The following FLACC1 variants were observed in gnomAD, a reference collection of about 807,000 sequenced individuals.
FLACC1 encodes flagellum-associated coiled-coil domain-containing protein 1.
FLACC1 carries 66 observed loss-of-function variants against 62.8 expected under a neutral mutation model. The ratio of observed to expected loss-of-function variants is 1.05; its 90% CI spans 0.86 to 1.29. The LOEUF (loss-of-function observed/expected upper bound fraction) is 1.29. Among genes scored for constraint, FLACC1 ranks in the 50% most tolerant of loss-of-function variants. The pLI, the probability that FLACC1 is intolerant of heterozygous loss-of-function variation, is 0.00. For missense variants in FLACC1, 452 were observed against 489.1 expected, an observed-to-expected ratio of 0.92 and a Z score of 0.71; for synonymous variants, 156 against 161.0, an observed-to-expected ratio of 0.97 and a Z score of 0.24.
intron 9 of FLACC1, among the ~76,000 whole-genome samples, chr2:201,320,065 T>C (rs1241313914): frequency 2.0e-5 from 3 of 152,088 alleles, no homozygotes; most frequent in Non-Finnish European, 4.4e-5. Flanking sequence ...GGAACTGACT[T>C]GGGGAGGGAT....
At position 201,330,735 on chromosome 2, in the gene FLACC1, C is replaced by G. The variant is rs1382688329; in HGVS notation, c.622+1G>C. ...GTCATTCTCCCAGGTCCCAGCAGTA[C>G]CTAGCTTCTCTTGGGCAGCCAACTT... On this transcript the variant is annotated splice_donor_variant, in intron 8 of 14. Coordinates refer to ENST00000392257, the MANE Select transcript of FLACC1 (RefSeq NM_001127391.3). LOFTEE classifies it high-confidence loss of function. 1 of 1,613,790 alleles carries G rather than the reference C, an allele frequency of 6.2e-7. No individual in the cohort carries two copies. The highest frequency in any genetic ancestry group is 8.5e-7 in the Non-Finnish European group (1 of 1,179,884).
the FLACC1 span, among the ~76,000 whole-genome samples, chr2:201,363,358 C>A: frequency 1.3e-5 from 2 of 151,892 alleles, no homozygotes; most frequent in Non-Finnish European, 2.9e-5. Flanking sequence ...CTCACATGGA[C>A]TAGCAGCCTG....
intron 9 of FLACC1, 59 bp downstream of exon 9, chr2:201,330,411 T>G: frequency 6.7e-7 from 1 of 1,494,252 alleles, no homozygotes; most frequent in Non-Finnish European, 9.2e-7. Flanking sequence ...TTTATCCCAA[T>G]GTTAGCCAGG....
chr2:201,350,577 AG>A (rs1951006070), intron 3 of FLACC1, 133 bp downstream of exon 3: 1 of 715,082 alleles, frequency 1.4e-6, no homozygotes. Context: ...GCTACTCGAG[AG>A]GCTGAGGCAG....
chr2:201,295,921 A>G (rs1357441364), intron 12 of FLACC1, among the ~76,000 whole-genome samples: 1 of 152,256 alleles, frequency 6.6e-6, no homozygotes, highest in East Asian at 1.9e-4. Context: ...AATGTTCATC[A>G]TCACTGGCCA....
intron 11 of FLACC1, among the ~76,000 whole-genome samples, chr2:201,305,269 C>A (rs1052313525): frequency 7.2e-5 from 11 of 152,206 alleles, no homozygotes; most frequent in Non-Finnish European, 1.3e-4. Context: ...AACAAGTGGG[C>A]GAAGGATATG....
At chr2:201,329,338 C>T (rs1041051706) in intron 9 of FLACC1, among the ~76,000 whole-genome samples, 1 of 152,132 alleles carries the variant, frequency 6.6e-6, no homozygotes, top group Admixed American at 6.5e-5. Context: ...GCTTATACAC[C>T]GTTGGTAGGA....
the FLACC1 span, among the ~76,000 whole-genome samples, chr2:201,363,089 C>G: frequency 6.6e-6 from 1 of 152,134 alleles, no homozygotes; most frequent in East Asian, 1.9e-4. Flanking sequence ...CTGCTCCACC[C>G]TCAGGCAGAA....
chr2:201,359,707 C>T (rs961809820), upstream of FLACC1, among the ~76,000 whole-genome samples: 1 of 152,090 alleles, frequency 6.6e-6, no homozygotes, highest in South Asian at 2.1e-4. Flanking sequence ...ATGCCAGCCT[C>T]GGTGTGTTGA....
At chr2:201,304,017 C>T (rs1259691892) in intron 11 of FLACC1, among the ~76,000 whole-genome samples, 1 of 152,140 alleles carries the variant, frequency 6.6e-6, no homozygotes, top group African/African-American at 2.4e-5. Context: ...TGAAAACTGG[C>T]AAAAGACATG....
At chr2:201,306,586 TA>T (rs1950111736) in intron 11 of FLACC1, among the ~76,000 whole-genome samples, 2 of 152,138 alleles carry the variant, frequency 1.3e-5, no homozygotes, top group African/African-American at 4.8e-5. Flanking sequence ...TTAAAGCTTC[TA>T]AAAAATAGAA....
intron 9 of FLACC1, among the ~76,000 whole-genome samples, chr2:201,329,361 T>C (rs1415193233): frequency 6.6e-6 from 1 of 152,196 alleles, no homozygotes; most frequent in Non-Finnish European, 1.5e-5. Flanking sequence ...GTAAATTAGT[T>C]CATTGCCGGT....
intron 4 of FLACC1, among the ~76,000 whole-genome samples, chr2:201,347,280 A>G (rs1950934962): frequency 6.6e-6 from 1 of 152,174 alleles, no homozygotes; most frequent in Non-Finnish European, 1.5e-5. Flanking sequence ...TGCGCAGCAC[A>G]TGCTGCAGCC....
chr2:201,294,347 G>A (rs1479389472), intron 12 of FLACC1, among the ~76,000 whole-genome samples: 2 of 152,082 alleles, frequency 1.3e-5, no homozygotes, highest in Non-Finnish European at 2.9e-5. Context: ...TTCATCCCTG[G>A]GATGCAAGGC....
chr2:201,299,398 C>G, intron 11 of FLACC1, 98 bp from the exon 12 acceptor site: 1 of 953,296 alleles, frequency 1.0e-6, no homozygotes, highest in Non-Finnish European at 1.6e-6. Context: ...ATATAATATT[C>G]ACCAAAGCTT....
At chr2:201,334,688 C>A (rs897881242) in intron 7 of FLACC1, among the ~76,000 whole-genome samples, 1 of 151,272 alleles carries the variant, frequency 6.6e-6, no homozygotes, top group African/African-American at 2.4e-5. Context: ...GAGGCTGAGG[C>A]AGGAGAATCG....
chr2:201,342,323 C>T, intron 7 of FLACC1, 47 bp downstream of exon 7: 1 of 1,597,970 alleles, frequency 6.3e-7, no homozygotes, highest in Non-Finnish European at 8.6e-7. Context: ...GGATGCGGGA[C>T]CCTTAGAGCC....
chr2:201,333,392 A>G (rs1307986689), intron 7 of FLACC1, among the ~76,000 whole-genome samples: 1 of 151,866 alleles, frequency 6.6e-6, no homozygotes, highest in Non-Finnish European at 1.5e-5. Flanking sequence ...CCCATTTTTT[A>G]ATTGGATTTA....
chr2:201,320,961 G>A (rs576184426), intron 9 of FLACC1, among the ~76,000 whole-genome samples: 12 of 152,282 alleles, frequency 7.9e-5, no homozygotes, highest in South Asian at 6.2e-4. Flanking sequence ...GAATAACAAC[G>A]CACCTAGGAA....
Sources: gnomAD v4.1 joint callset for allele counts (sites outside exome capture counted in the v4.1 genomes callset) on GRCh38, gnomAD v4.1.1 for gene constraint, MANE v1.5 for transcripts, NCBI Gene and HGNC (gene_info 2026-07-23, HGNC 2026-07-21) for gene names.